Variants in SORCS1 observed in about 807,000 individuals in gnomAD.
SORCS1 encodes the protein sortilin related VPS10 domain containing receptor 1, also known as VPS10 domain-containing receptor SorCS1.
A neutral mutation model predicts 146.1 loss-of-function variants in SORCS1; 60 were observed. The ratio of observed to expected loss-of-function variants is 0.41; its 90% CI spans 0.33 to 0.51. The LOEUF (loss-of-function observed/expected upper bound fraction) is 0.51, where lower values mean the gene tolerates loss of function less well. Among genes scored for constraint, SORCS1 ranks in the 20% least tolerant of loss-of-function variants. The pLI is 0.21. For missense variants in SORCS1, 1,352 were observed against 1,487.6 expected, an observed-to-expected ratio of 0.91 and a Z score of 1.50; for synonymous variants, 637 against 584.0, an observed-to-expected ratio of 1.09 and a Z score of -1.31.
chr10:107,123,425 G>A (rs968776815), intron 1 of SORCS1, among the ~76,000 whole-genome samples: 1 of 152,192 alleles, frequency 6.6e-6, no homozygotes, highest in Non-Finnish European at 1.5e-5. Context: ...ACCTTGCAGT[G>A]GATAGATGGA....
intron 1 of SORCS1, among the ~76,000 whole-genome samples, chr10:107,161,174 G>A (rs546773054): frequency 1.3e-5 from 2 of 152,260 alleles, no homozygotes; most frequent in East Asian, 3.9e-4. Context: ...GGAGGTGAGT[G>A]AACCATCCAG....
chr10:106,603,580 C>T (rs981104349), intron 23 of SORCS1, among the ~76,000 whole-genome samples: 15 of 152,150 alleles, frequency 9.9e-5, no homozygotes, highest in African/African-American at 3.6e-4. Flanking sequence ...CTTTAGGGCA[C>T]CTCTGTCTAG....
chr10:106,928,386 C>A (rs1473514871), intron 2 of SORCS1, among the ~76,000 whole-genome samples: 1 of 152,332 alleles, frequency 6.6e-6, no homozygotes, highest in East Asian at 1.9e-4. Flanking sequence ...CAGGCTGCTC[C>A]GAGTGCGGGG....
intron 2 of SORCS1, among the ~76,000 whole-genome samples, chr10:106,870,982 A>G (rs1053161547): frequency 1.3e-5 from 2 of 152,356 alleles, no homozygotes; most frequent in African/African-American, 4.8e-5. Context: ...TCCATTATCT[A>G]TAAGAAACTT....
At chr10:106,833,507 GATAA>G (rs1948653396) in intron 2 of SORCS1, among the ~76,000 whole-genome samples, 1 of 152,188 alleles carries the variant, frequency 6.6e-6, no homozygotes, top group Non-Finnish European at 1.5e-5. Context: ...CAAACCAGTT[GATAA>G]ATAGTTACTG....
At chr10:106,952,010 A>T (rs1954709313) in intron 2 of SORCS1, among the ~76,000 whole-genome samples, 1 of 152,216 alleles carries the variant, frequency 6.6e-6, no homozygotes, top group Non-Finnish European at 1.5e-5. Context: ...AAAGTATCAA[A>T]GAAGTAAAAC....
At chr10:106,740,124 T>C (rs921258413) in intron 5 of SORCS1, among the ~76,000 whole-genome samples, 2 of 152,160 alleles carry the variant, frequency 1.3e-5, no homozygotes, top group Non-Finnish European at 2.9e-5. Context: ...TGATGGTTTA[T>C]TAGATATAAG....
At chr10:106,807,510 G>C (rs1273795706) in intron 3 of SORCS1, among the ~76,000 whole-genome samples, 1 of 152,124 alleles carries the variant, frequency 6.6e-6, no homozygotes, top group African/African-American at 2.4e-5. Flanking sequence ...AATTTCTCTT[G>C]GTTGGTGATT....
At chr10:107,174,085 T>C in the SORCS1 span, among the ~76,000 whole-genome samples, 2 of 152,236 alleles carry the variant, frequency 1.3e-5, no homozygotes, top group Non-Finnish European at 2.9e-5. Flanking sequence ...TAAATCAGTA[T>C]TTTAAAAATA....
At chr10:106,927,556 G>A (rs560350914) in intron 2 of SORCS1, among the ~76,000 whole-genome samples, 2 of 151,516 alleles carry the variant, frequency 1.3e-5, no homozygotes, top group African/African-American at 4.8e-5. Flanking sequence ...CTGCTAGCTC[G>A]GGCAGCCTGT....
intron 4 of SORCS1, among the ~76,000 whole-genome samples, chr10:106,775,011 T>A (rs901525730): frequency 1.3e-5 from 2 of 152,188 alleles, no homozygotes; most frequent in Non-Finnish European, 2.9e-5. Flanking sequence ...AGCCCAGGCA[T>A]CCTAACTGGT....
intron 3 of SORCS1, among the ~76,000 whole-genome samples, chr10:106,815,442 A>G (rs1947691993): frequency 6.6e-6 from 1 of 152,208 alleles, no homozygotes; most frequent in African/African-American, 2.4e-5. Flanking sequence ...CAAGTTAGGT[A>G]TGTATGGGAG....
intron 3 of SORCS1, among the ~76,000 whole-genome samples, chr10:106,780,231 A>G (rs768849401): frequency 2.4e-4 from 37 of 152,220 alleles, no homozygotes; most frequent in Non-Finnish European, 4.6e-4. Context: ...CAAAATAGTA[A>G]GTTCAAATTA....
At chr10:106,722,369 CGGAAACTA>C (rs1433755934) in intron 6 of SORCS1, among the ~76,000 whole-genome samples, 1 of 152,018 alleles carries the variant, frequency 6.6e-6, no homozygotes, top group Non-Finnish European at 1.5e-5. Flanking sequence ...CTGTTCAATA[CGGAAACTA>C]GGTTGGAAAG....
At chr10:106,660,519 C>T (rs1026594937) in intron 17 of SORCS1, among the ~76,000 whole-genome samples, 2 of 152,054 alleles carry the variant, frequency 1.3e-5, no homozygotes, top group South Asian at 2.1e-4. Context: ...TAAAACATTC[C>T]AAATGTATCT....
intron 18 of SORCS1, among the ~76,000 whole-genome samples, chr10:106,648,181 T>C (rs12413159): frequency 0.04 from 6,073 of 151,252 alleles, 202 homozygotes; most frequent in African/African-American, 0.082. Context: ...TGTTTTCTAT[T>C]TGTCTCAACT....
chr10:107,074,500 T>C (rs7101099), intron 1 of SORCS1, among the ~76,000 whole-genome samples: 5,567 of 152,298 alleles, frequency 0.037, 317 homozygotes, highest in African/African-American at 0.12. Flanking sequence ...AAAGCTGCTA[T>C]AAACAGTGGT....
intron 1 of SORCS1, among the ~76,000 whole-genome samples, chr10:107,068,150 C>T (rs1962069777): frequency 6.6e-6 from 1 of 152,164 alleles, no homozygotes; most frequent in Admixed American, 6.5e-5. Flanking sequence ...TCCTTCCCCT[C>T]CCTAGTTTGG....
At chr10:106,945,054 T>G (rs1954262245) in intron 2 of SORCS1, among the ~76,000 whole-genome samples, 1 of 151,088 alleles carries the variant, frequency 6.6e-6, no homozygotes, top group South Asian at 2.1e-4. Context: ...CCCAGCTAAT[T>G]TTTTTGTATT....
Sources: allele counts gnomAD v4.1 joint callset (sites outside exome capture counted in the v4.1 genomes callset), GRCh38; gene constraint gnomAD v4.1.1; transcripts MANE v1.5; gene names NCBI Gene and HGNC (gene_info 2026-07-23, HGNC 2026-07-21).